NAA50: variants seen among roughly 807,000 people sequenced by gnomAD.
NAA50 encodes N-alpha-acetyltransferase 50, NatE catalytic subunit, also known as N-alpha-acetyltransferase 50.
A neutral mutation model predicts 20.7 loss-of-function variants in NAA50; 7 were observed. That is an observed-to-expected ratio of 0.34 (90% CI 0.19 to 0.63). The LOEUF is 0.63. NAA50 is among the 30% of genes least tolerant of loss of function. The pLI, the probability that NAA50 is intolerant of heterozygous loss-of-function variation, is 0.75. For synonymous variants in NAA50, 54 were observed against 70.6 expected, an observed-to-expected ratio of 0.77 and a Z score of 1.18; for missense variants, 111 against 199.1, an observed-to-expected ratio of 0.56 and a Z score of 2.66.
At position 113,718,473 on chromosome 3, in the gene NAA50, A is replaced by G. The variant is rs1468335745; in HGVS notation, c.*3287T>C. ...ACAAGGATCACTCATTGCTTCTTAAATGAAAAAAGCAAAAATCTAATTATA... is the reference window on the plus strand; with the variant it reads ...ACAAGGATCACTCATTGCTTCTTAAGTGAAAAAAGCAAAAATCTAATTATA... On this transcript the variant is annotated 3_prime_UTR_variant, in exon 5 of 5. Coordinates refer to ENST00000240922, the MANE Select transcript of NAA50 (RefSeq NM_025146.4). 1 of 152,248 alleles carries G rather than the reference A, an allele frequency of 6.6e-6. No individual in the cohort carries two copies. Among genetic ancestry groups the G allele is most frequent in the Non-Finnish European group, 1.5e-5 (1 of 68,030 alleles). 9.4% of individuals were successfully genotyped at this position (152,248 alleles called of 1,614,324 possible).
At position 113,731,176 on chromosome 3, in the gene NAA50, T is replaced by G. The variant is rs150763855; in HGVS notation, c.9-7081A>C. Among the ~76,000 whole-genome samples, 45 of 152,348 alleles carry G rather than the reference T, an allele frequency of 3.0e-4. No homozygotes were observed. The East Asian group carries it at 6.9e-3, about 23-fold the overall frequency. On this transcript the variant is annotated intron_variant, in intron 1 of 4. Transcript: ENST00000240922. ...AATTAGTTCAGATTTCTTGTCAATT[T>G]TTTAAAAACTGGTTTTTCTTGAGTT... is the stretch of plus-strand genomic sequence containing the variant.
At position 113,718,303 on chromosome 3, in the gene NAA50, G is replaced by C. The variant is rs1243523692; in HGVS notation, c.*3457C>G. The C allele has an allele frequency of 6.6e-6, 1 of 152,174 alleles. No homozygotes were observed. The highest frequency in any genetic ancestry group is 1.9e-4 in the East Asian group (1 of 5,196). The allele number at this position is 152,174 out of a possible 1,614,324, so 9.4% of individuals were successfully genotyped here. A position where few individuals can be genotyped will look rare whatever the true frequency, so the allele number is the denominator to read the frequency against. Reference sequence around the variant, plus strand: ...CCTTGTCAAGCTTCAAGATGGTACAGTCCTGGCTAACAGCTTGACTGCAAC... The same window carrying C: ...CCTTGTCAAGCTTCAAGATGGTACACTCCTGGCTAACAGCTTGACTGCAAC... On this transcript the variant is annotated 3_prime_UTR_variant, in exon 5 of 5. Coordinates refer to ENST00000240922, the MANE Select transcript of NAA50 (RefSeq NM_025146.4).
chr3:113,742,689 T>C (rs1349901583), intron 1 of NAA50, among the ~76,000 whole-genome samples: 1 of 152,200 alleles, frequency 6.6e-6, no homozygotes, highest in East Asian at 1.9e-4. Context: ...TACATTTTAA[T>C]TTTATTTGGT....
Position 113,718,926 on chromosome 3 carries a change from G to A in NAA50, c.*2834C>T, listed in dbSNP as rs1708097814. 6.5e-6 allele frequency: 1 copy of A among 152,750 alleles called. No homozygotes were observed. Among genetic ancestry groups the A allele is most frequent in the East Asian group, 1.9e-4 (1 of 5,188 alleles). The allele number at this position is 152,750 out of a possible 1,614,324, so 9.5% of individuals were successfully genotyped here. On this transcript the variant is annotated 3_prime_UTR_variant, in exon 5 of 5. Transcript: ENST00000240922. Reference sequence around the variant, plus strand: ...CAGTAAGGGAAACACTACACAATGAGTATGTACGGTTGCTGGCTGCAGAAT... The same window carrying A: ...CAGTAAGGGAAACACTACACAATGAATATGTACGGTTGCTGGCTGCAGAAT...
chr3:113,722,332 A>T (rs1234182896), intron 4 of NAA50, among the ~76,000 whole-genome samples: 1 of 152,160 alleles, frequency 6.6e-6, no homozygotes, highest in African/African-American at 2.4e-5. Context: ...GATAAAATAC[A>T]TGGTATGTTT....
intron 1 of NAA50, among the ~76,000 whole-genome samples, chr3:113,731,211 T>C (rs912846773): frequency 3.3e-5 from 5 of 152,214 alleles, no homozygotes; most frequent in African/African-American, 1.2e-4. Flanking sequence ...TTTGGGTGTA[T>C]TATGGATACT....
Position 113,717,400 on chromosome 3 carries a change from T to C in NAA50, c.*4360A>G, listed in dbSNP as rs972394856. 6.6e-6 allele frequency: 1 copy of C among 152,098 alleles called. No individual in the cohort carries two copies. Among genetic ancestry groups the C allele is most frequent in the Non-Finnish European group, 1.5e-5 (1 of 68,016 alleles). The allele number at this position is 152,098 out of a possible 1,614,324, so 9.4% of individuals were successfully genotyped here. A position where few individuals can be genotyped will look rare whatever the true frequency, so the allele number is the denominator to read the frequency against. On this transcript the variant is annotated 3_prime_UTR_variant, in exon 5 of 5. Coordinates refer to ENST00000240922, the MANE Select transcript of NAA50 (RefSeq NM_025146.4). Reference sequence around the variant, plus strand: ...CTTAAATTTTGGAGAACTGAAAAGGTTGAGAATTTCTGCCCCAGTAACAGA... The same window carrying C: ...CTTAAATTTTGGAGAACTGAAAAGGCTGAGAATTTCTGCCCCAGTAACAGA...
At chr3:113,731,098 G>A (rs1708266248) in intron 1 of NAA50, among the ~76,000 whole-genome samples, 1 of 152,246 alleles carries the variant, frequency 6.6e-6, no homozygotes, top group South Asian at 2.1e-4. Flanking sequence ...TAAATGAAGT[G>A]AGCATCTTTT....
Position 113,727,933 on chromosome 3 carries a change from C to T in NAA50, c.9-3838G>A, listed in dbSNP as rs1193702525. Among the ~76,000 whole-genome samples the T allele has an allele frequency of 2.0e-5, 3 of 152,080 alleles. No homozygotes were observed. In the East Asian group the frequency reaches 5.8e-4, roughly 29 times the overall value. On this transcript the variant is annotated intron_variant, in intron 1 of 4. Coordinates refer to ENST00000240922, the MANE Select transcript of NAA50 (RefSeq NM_025146.4). ...ACTGAGCTTCAAATATAGTTTAACT[C>T]TCATTAACATGATATGTCTGACTGA...
rs770446057 is a variant in NAA50, at chr3:113,721,749, T to C, written c.*11A>G. 6.4e-5 allele frequency: 103 copies of C among 1,613,462 alleles called. No homozygotes were observed. The highest frequency in any genetic ancestry group is 8.3e-5 in the Non-Finnish European group (98 of 1,179,688). ...GACAAGCAAGTGCAAGAAAGTTCAT[T>C]TGTAATTTGTTCAGTTGTCTGTCTT... On this transcript the variant is annotated 3_prime_UTR_variant, in exon 5 of 5. Coordinates refer to ENST00000240922, the MANE Select transcript of NAA50 (RefSeq NM_025146.4).
chr3:113,743,890 C>G (rs1708454864), intron 1 of NAA50, among the ~76,000 whole-genome samples: 1 of 152,100 alleles, frequency 6.6e-6, no homozygotes, highest in African/African-American at 2.4e-5. Context: ...TATATTAATT[C>G]AAGGTAGATT....
At chr3:113,739,049 A>AT (rs1194831327) in intron 1 of NAA50, among the ~76,000 whole-genome samples, 1 of 152,246 alleles carries the variant, frequency 6.6e-6, no homozygotes, top group Admixed American at 6.5e-5. Context: ...TAAAAATGGT[A>AT]TATGTCCAAA....
At chr3:113,723,311 C>T (rs1267669018) in intron 3 of NAA50, 111 bp downstream of exon 3, 2 of 1,027,526 alleles carry the variant, frequency 1.9e-6, no homozygotes, top group East Asian at 5.0e-5. Context: ...AATTCAGTAA[C>T]CCTTTCTCAG....
intron 1 of NAA50, among the ~76,000 whole-genome samples, chr3:113,725,148 G>A (rs1046495592): frequency 6.6e-6 from 1 of 152,164 alleles, no homozygotes; most frequent in Admixed American, 6.5e-5. Flanking sequence ...AGTATCAAAG[G>A]TATTCTGCCT....
At chr3:113,742,700 A>T (rs138886610) in intron 1 of NAA50, among the ~76,000 whole-genome samples, 142 of 152,290 alleles carry the variant, frequency 9.3e-4, no homozygotes, top group African/African-American at 3.1e-3. Flanking sequence ...TTTATTTGGT[A>T]AAATGGCTCC....
intron 4 of NAA50, 116 bp downstream of exon 4, chr3:113,722,790 T>C: frequency 8.3e-7 from 1 of 1,208,460 alleles, no homozygotes; most frequent in Non-Finnish European, 1.1e-6. Context: ...TTGTAACAAC[T>C]ACTTCCACAG....
At chr3:113,740,644 G>A (rs976323979) in intron 1 of NAA50, among the ~76,000 whole-genome samples, 2 of 152,120 alleles carry the variant, frequency 1.3e-5, no homozygotes, top group Non-Finnish European at 2.9e-5. Context: ...CCAAAGTGTC[G>A]GGATTACGAG....
rs1168776422 is a variant in NAA50 at position 113,718,659 on chromosome 3, C to T, written c.*3101G>A. The T allele has an allele frequency of 1.3e-5, 2 of 152,132 alleles. No homozygotes were observed. Among genetic ancestry groups the T allele is most frequent in the Admixed American group, 6.5e-5 (1 of 15,276 alleles). 9.4% of individuals were successfully genotyped at this position (152,132 alleles called of 1,614,324 possible). On this transcript the variant is annotated 3_prime_UTR_variant, in exon 5 of 5. Coordinates refer to ENST00000240922, the MANE Select transcript of NAA50 (RefSeq NM_025146.4). ...AAACACCTGAATATGTTGTCTGTAG[C>T]CAATAAACATTACTAACTAGATTGC...
At chr3:113,725,087 G>C (rs1408451368) in intron 1 of NAA50, among the ~76,000 whole-genome samples, 1 of 152,078 alleles carries the variant, frequency 6.6e-6, no homozygotes, top group Non-Finnish European at 1.5e-5. Context: ...AAAACAATTG[G>C]GTCCATGGAA....
Sources: gnomAD v4.1 joint callset for allele counts (sites outside exome capture counted in the v4.1 genomes callset) on GRCh38, gnomAD v4.1.1 for gene constraint, MANE v1.5 for transcripts, NCBI Gene and HGNC (gene_info 2026-07-23, HGNC 2026-07-21) for gene names.